GRK4: variants seen among roughly 807,000 people sequenced by gnomAD.
The protein encoded by GRK4 is G protein-coupled receptor kinase 4, also known as G protein-coupled receptor kinase 2-like.
In GRK4, 73 loss-of-function variants were observed where a neutral mutation model predicts 77.9. That is an observed-to-expected ratio of 0.94 (90% CI 0.78 to 1.14). The LOEUF (loss-of-function observed/expected upper bound fraction) is 1.14, where lower values mean the gene tolerates loss of function less well. Ranked by LOEUF, GRK4 falls within the 50% of genes most tolerant of loss-of-function variation. GRK4 has a pLI of 0.00. For synonymous variants in GRK4, 257 were observed against 254.4 expected, an observed-to-expected ratio of 1.01 and a Z score of -0.10; for missense variants, 729 against 700.2, an observed-to-expected ratio of 1.04 and a Z score of -0.46.
At chr4:3,013,954 G>A in intron 8 of GRK4, 126 bp downstream of exon 8, 2 of 1,029,666 alleles carry the variant, frequency 1.9e-6, no homozygotes, top group Non-Finnish European at 2.7e-6. Context: ...GAGTTTATGT[G>A]GGGGTTTGCT....
intron 7 of GRK4, among the ~76,000 whole-genome samples, chr4:3,010,307 A>G (rs1356712200): frequency 6.6e-6 from 1 of 150,434 alleles, no homozygotes; most frequent in Non-Finnish European, 1.5e-5. Flanking sequence ...GCTCACCACA[A>G]CCTCCGCCTC....
rs1189352539 is a variant in GRK4, at chr4:2,992,303, T to A, written c.339+11T>A. 6.5e-7 allele frequency: 1 copy of A among 1,545,010 alleles called. No individual in the cohort carries two copies. Among genetic ancestry groups the A allele is most frequent in the South Asian group, 1.1e-5 (1 of 89,812 alleles). ...TTCTTCAATGATAAGGTGTGTTTTC[T>A]TCTTTAGAATAAAAATTTGTAGATA... On this transcript the variant is annotated intron_variant, in intron 4 of 15. Coordinates refer to ENST00000398052, the MANE Select transcript of GRK4 (RefSeq NM_182982.3).
At chr4:2,976,152 T>C (rs1396521955) in intron 1 of GRK4, among the ~76,000 whole-genome samples, 1 of 152,202 alleles carries the variant, frequency 6.6e-6, no homozygotes, top group Non-Finnish European at 1.5e-5. Flanking sequence ...TCTGTTTAGC[T>C]CATTGAAACA....
chr4:2,979,849 G>C (rs1722359755), intron 1 of GRK4, among the ~76,000 whole-genome samples: 1 of 152,192 alleles, frequency 6.6e-6, no homozygotes, highest in Non-Finnish European at 1.5e-5. Flanking sequence ...ATTCTAGCCT[G>C]GGTGACAGAG....
chr4:3,006,701 G>A (rs1731431122), intron 5 of GRK4, among the ~76,000 whole-genome samples: 1 of 152,074 alleles, frequency 6.6e-6, no homozygotes, highest in African/African-American at 2.4e-5. Context: ...TTGAGCCTGG[G>A]AGGTCAAGGC....
intron 5 of GRK4, among the ~76,000 whole-genome samples, 168 bp downstream of exon 5, chr4:3,004,502 A>G (rs1730738818): frequency 6.6e-6 from 1 of 152,170 alleles, no homozygotes; most frequent in Non-Finnish European, 1.5e-5. Flanking sequence ...GCAGTTGAAA[A>G]TCTGTGTGTA....
At chr4:3,024,821 A>G (rs1025587079) in intron 10 of GRK4, among the ~76,000 whole-genome samples, 1 of 152,060 alleles carries the variant, frequency 6.6e-6, no homozygotes, top group Non-Finnish European at 1.5e-5. Flanking sequence ...TTGCACCACT[A>G]CACTCCAGCC....
chr4:2,992,140 A>G, intron 3 of GRK4, 75 bp from the exon 4 acceptor site: 1 of 1,004,468 alleles, frequency 1.0e-6, no homozygotes. Context: ...CAGCGTCCCA[A>G]GTGGCTGGAA....
intron 15 of GRK4, among the ~76,000 whole-genome samples, chr4:3,039,728 AT>A (rs1194393963): frequency 5.9e-5 from 9 of 151,848 alleles, no homozygotes; most frequent in African/African-American, 1.9e-4. Flanking sequence ...GGAAAAAAAA[AT>A]AAGCTTTAGG....
At chr4:2,989,088 A>G (rs1725341127) in intron 3 of GRK4, among the ~76,000 whole-genome samples, 1 of 152,060 alleles carries the variant, frequency 6.6e-6, no homozygotes, top group South Asian at 2.1e-4. Flanking sequence ...AGGCTGAGGC[A>G]GGGGAATCAC....
rs10021191 is a variant in GRK4, at chr4:2,963,968, G to A, written c.-103G>A. On this transcript the variant is annotated 5_prime_UTR_variant, in exon 1 of 16. Coordinates refer to ENST00000398052, the MANE Select transcript of GRK4 (RefSeq NM_182982.3). The stretch of plus-strand genomic sequence containing the variant: ...CGTGTCCGGAGCTCGAGGAGAGGGT[G>A]GTGCCCGGCGAGCTATGCACGGGGG... 0.34 allele frequency: 344,962 copies of A among 1,027,302 alleles called. 61,180 individuals carry two copies. Among genetic ancestry groups the A allele is most frequent in the African/African-American group, 0.45 (28,914 of 63,628 alleles). The allele number at this position is 1,027,302 out of a possible 1,614,324, so 63.6% of individuals were successfully genotyped here.
rs762107251 is a variant in GRK4, at chr4:3,009,720, C to T, written c.600+9C>T. 13 of 1,610,072 alleles carry T rather than the reference C, an allele frequency of 8.1e-6. No homozygotes were observed. Among genetic ancestry groups the T allele is most frequent in the Admixed American group, 3.3e-5 (2 of 59,984 alleles). On this transcript the variant is annotated intron_variant, in intron 7 of 15. Transcript: ENST00000398052. ...AAGGCGGATTTGGAGAGGTGAGTAA[C>T]GGGAGCCAGTTCATAGCAGCGCTGC...
In GRK4 at chr4:2,963,880, T is replaced by TGCGCAG. The variant is rs1716471430; in HGVS notation, c.-188_-187insCAGGCG. ...GACCGCTCCCCTGCTGGTGAGGGCC[T>TGCGCAG]GCGGAGGCGGCGGCGGCGGCGCCCT... On this transcript the variant is annotated 5_prime_UTR_variant, in exon 1 of 16. Coordinates refer to ENST00000398052, the MANE Select transcript of GRK4 (RefSeq NM_182982.3). 12 of 653,348 alleles carry TGCGCAG rather than the reference T, an allele frequency of 1.8e-5. No homozygotes were observed. The South Asian group carries it at 2.1e-4, about 11-fold the overall frequency. 40.5% of individuals were successfully genotyped at this position (653,348 alleles called of 1,614,324 possible). A position where few individuals can be genotyped will look rare whatever the true frequency, so the allele number is the denominator to read the frequency against.
intron 12 of GRK4, among the ~76,000 whole-genome samples, 180 bp downstream of exon 12, chr4:3,029,589 C>T (rs777084263): frequency 6.6e-6 from 1 of 152,176 alleles, no homozygotes; most frequent in East Asian, 1.9e-4. Context: ...TCAGGAGGCT[C>T]GGGTCCACCT....
At position 2,988,826 on chromosome 4, in the gene GRK4, T is replaced by C; in HGVS notation, c.248T>C (p.Phe83Ser). The change falls in exon 3 of 16, where the codon TTC becomes TCC. Residue 83 changes from phenylalanine (F) to serine (S), a missense_variant. By Grantham distance (155) the Phe-to-Ser change is radical. Coordinates refer to ENST00000398052, the MANE Select transcript of GRK4 (RefSeq NM_182982.3). ...TKPTLKRHIE[F>S]LDAVAEYEVA... ...CCCACTCTAAAGAGGCACATTGAAT[T>C]CTTGGATGCAGTGGTGAGCAGTTTA... 6.3e-7 allele frequency: 1 copy of C among 1,599,242 alleles called. No homozygotes were observed. Among genetic ancestry groups the C allele is most frequent in the Non-Finnish European group, 8.6e-7 (1 of 1,166,582 alleles).
chr4:3,039,423 C>A lies in GRK4; in HGVS notation c.1683+910C>A, dbSNP rs182925766. On this transcript the variant is annotated intron_variant, in intron 15 of 15. Transcript: ENST00000398052. ...CTTTCAGTATGAAAAATAGGCTAGG[C>A]GTGGTGGCTCACGCCTGTAATCCCA... Among the ~76,000 whole-genome samples, 466 of 148,698 alleles carry A rather than the reference C, an allele frequency of 3.1e-3. 4 individuals carry two copies. Among genetic ancestry groups the A allele is most frequent in the Non-Finnish European group, 5.6e-3 (374 of 66,812 alleles).
At chr4:3,017,555 T>G (rs1734905247) in intron 8 of GRK4, among the ~76,000 whole-genome samples, 1 of 152,224 alleles carries the variant, frequency 6.6e-6, no homozygotes, top group South Asian at 2.1e-4. Flanking sequence ...GGATCCTTAC[T>G]AATTCAAGGG....
intron 1 of GRK4, among the ~76,000 whole-genome samples, chr4:2,967,790 C>A (rs1218328860): frequency 4.6e-5 from 7 of 150,784 alleles, no homozygotes; most frequent in African/African-American, 1.2e-4. Context: ...AATATAAAAA[C>A]AATTTTTTTT....
chr4:2,987,213 C>G (rs763992521), intron 2 of GRK4: 36 of 478,954 alleles, frequency 7.5e-5, no homozygotes, highest in Non-Finnish European at 1.4e-4. Flanking sequence ...GAATCATAAA[C>G]TATGTGGTCT....
Sources: gnomAD v4.1 joint callset for allele counts (sites outside exome capture counted in the v4.1 genomes callset) on GRCh38, gnomAD v4.1.1 for gene constraint, MANE v1.5 for transcripts, NCBI Gene and HGNC (gene_info 2026-07-23, HGNC 2026-07-21) for gene names.